GRIN2A: variants seen among roughly 807,000 people sequenced by gnomAD.
GRIN2A encodes the protein glutamate receptor ionotropic, NMDA 2A.
A neutral mutation model predicts 113.4 loss-of-function variants in GRIN2A; 22 were observed. The ratio of observed to expected loss-of-function variants is 0.19; its 90% CI spans 0.14 to 0.28. GRIN2A has a LOEUF of 0.28. Ranked by LOEUF, GRIN2A falls within the 10% of genes least tolerant of loss-of-function variation. The pLI is 1.00. For synonymous variants in GRIN2A, 827 were observed against 738.4 expected (o/e 1.12, Z -1.94); for missense variants, 1,502 against 1,887.0 (o/e 0.80, Z 3.78).
At chr16:10,055,426 G>A (rs1376164342) in intron 2 of GRIN2A, among the ~76,000 whole-genome samples, 1 of 152,126 alleles carries the variant, frequency 6.6e-6, no homozygotes, top group East Asian at 1.9e-4. Context: ...TTCCACCATT[G>A]ATAAATCCTG....
chr16:9,913,560 T>C (rs746287242), intron 3 of GRIN2A, among the ~76,000 whole-genome samples: 3 of 152,198 alleles, frequency 2.0e-5, no homozygotes, highest in Non-Finnish European at 2.9e-5. Context: ...CTAGGCACAG[T>C]GCTGGGTGTT....
chr16:9,879,406 T>TA (rs1165157396), intron 4 of GRIN2A, among the ~76,000 whole-genome samples: 2 of 151,958 alleles, frequency 1.3e-5, no homozygotes, highest in East Asian at 1.9e-4. Flanking sequence ...GACTTACACC[T>TA]AAAAAAAAAT....
intron 2 of GRIN2A, among the ~76,000 whole-genome samples, chr16:10,045,207 A>G (rs1462899699): frequency 6.6e-6 from 1 of 152,198 alleles, no homozygotes; most frequent in Non-Finnish European, 1.5e-5. Flanking sequence ...ATTTCTGGTA[A>G]GATCTGGCCA....
intron 5 of GRIN2A, among the ~76,000 whole-genome samples, chr16:9,843,698 C>T (rs2042723200): frequency 6.6e-6 from 1 of 152,168 alleles, no homozygotes; most frequent in African/African-American, 2.4e-5. Context: ...ACTCTCTTGC[C>T]TAGAGGCTGG....
At chr16:10,176,940 G>A (rs2050160206) in intron 2 of GRIN2A, among the ~76,000 whole-genome samples, 1 of 152,244 alleles carries the variant, frequency 6.6e-6, no homozygotes, top group Non-Finnish European at 1.5e-5. Context: ...ACCAGCAGGG[G>A]CACTATCATG....
intron 2 of GRIN2A, among the ~76,000 whole-genome samples, chr16:10,174,947 A>G (rs1180504092): frequency 1.3e-5 from 2 of 152,196 alleles, no homozygotes; most frequent in Admixed American, 6.5e-5. Flanking sequence ...ATGGACCACA[A>G]GTACACAATG....
chr16:9,945,280 C>T (rs147009976), intron 2 of GRIN2A, among the ~76,000 whole-genome samples: 111 of 152,166 alleles, frequency 7.3e-4, no homozygotes, highest in African/African-American at 2.5e-3. Context: ...TACATTGGAG[C>T]TGATCAAAAT....
At chr16:9,891,224 A>G in intron 3 of GRIN2A, 124 bp from the exon 4 acceptor site, 1 of 701,630 alleles carries the variant, frequency 1.4e-6, no homozygotes, top group Non-Finnish European at 2.6e-6. Flanking sequence ...TATTCATCAC[A>G]AGAAGCCTCT....
intron 10 of GRIN2A, among the ~76,000 whole-genome samples, chr16:9,817,168 G>A (rs751696611): frequency 6.6e-6 from 1 of 152,120 alleles, no homozygotes; most frequent in Non-Finnish European, 1.5e-5. Context: ...CTCTGTATAT[G>A]CCTATCCCAA....
intron 2 of GRIN2A, chr16:10,111,899 C>T: frequency 1.2e-6 from 1 of 857,626 alleles, no homozygotes; most frequent in Non-Finnish European, 1.9e-6. Flanking sequence ...GACCACACCA[C>T]CCTCCTCAGT....
At chr16:10,137,338 T>C (rs2049216756) in intron 2 of GRIN2A, among the ~76,000 whole-genome samples, 1 of 152,214 alleles carries the variant, frequency 6.6e-6, no homozygotes, top group East Asian at 1.9e-4. Flanking sequence ...GGAGGCTGGA[T>C]TGAAAGCAGG....
chr16:10,072,946 C>CCCCT (rs565877354), intron 2 of GRIN2A, among the ~76,000 whole-genome samples: 111 of 104,254 alleles, frequency 1.1e-3, no homozygotes, highest in Non-Finnish European at 1.5e-3. Context: ...ACAAGACCCC[C>CCCCT]TTTTTTTTTT....
At chr16:9,867,528 T>C (rs549857841) in intron 4 of GRIN2A, among the ~76,000 whole-genome samples, 44 of 152,300 alleles carry the variant, frequency 2.9e-4, no homozygotes, top group African/African-American at 1.0e-3. Context: ...ATCCCAGCCC[T>C]TGGGCTCTAG....
intron 2 of GRIN2A, among the ~76,000 whole-genome samples, chr16:10,081,973 G>C (rs1050692947): frequency 6.6e-6 from 1 of 152,206 alleles, no homozygotes; most frequent in Non-Finnish European, 1.5e-5. Flanking sequence ...CTTCCAAAAT[G>C]TGTCAACTTA....
chr16:10,167,641 G>A (rs571278283), intron 2 of GRIN2A, among the ~76,000 whole-genome samples: 1 of 152,238 alleles, frequency 6.6e-6, no homozygotes, highest in East Asian at 1.9e-4. Context: ...GAAGATCTAC[G>A]ATGCATTAAT....
chr16:10,082,978 A>G (rs2048012876), intron 2 of GRIN2A, among the ~76,000 whole-genome samples: 1 of 152,206 alleles, frequency 6.6e-6, no homozygotes, highest in South Asian at 2.1e-4. Context: ...ATGGGTACCC[A>G]GGGCTGACTT....
chr16:10,087,853 A>ATT (rs376085870), intron 2 of GRIN2A, among the ~76,000 whole-genome samples: 2,581 of 108,372 alleles, frequency 0.024, 76 homozygotes, highest in Admixed American at 0.051. Flanking sequence ...TGCCCAGCTA[A>ATT]TTTTTTTTTT....
intron 4 of GRIN2A, among the ~76,000 whole-genome samples, chr16:9,880,169 C>T (rs1387416474): frequency 2.0e-5 from 3 of 152,060 alleles, no homozygotes; most frequent in Admixed American, 2.0e-4. Context: ...TGGAAGAATC[C>T]ACTTCCAAGC....
At chr16:9,868,186 G>A (rs2043194678) in intron 4 of GRIN2A, among the ~76,000 whole-genome samples, 1 of 152,100 alleles carries the variant, frequency 6.6e-6, no homozygotes, top group Non-Finnish European at 1.5e-5. Flanking sequence ...ACTGGTTTAT[G>A]ACTCAGCTTC....
Sources: gnomAD v4.1 joint callset for allele counts (sites outside exome capture counted in the v4.1 genomes callset) on GRCh38, gnomAD v4.1.1 for gene constraint, MANE v1.5 for transcripts, NCBI Gene and HGNC (gene_info 2026-07-23, HGNC 2026-07-21) for gene names.